RAMP1: variants seen among roughly 807,000 people sequenced by gnomAD.
RAMP1 encodes receptor activity-modifying protein 1.
A neutral mutation model predicts 8.2 loss-of-function variants in RAMP1; 7 were observed. The ratio of observed to expected loss-of-function variants is 0.85; its 90% CI spans 0.49 to 1.60. The LOEUF is 1.60. RAMP1 is among the 40% of genes most tolerant of loss of function. The probability of loss-of-function intolerance (pLI) is 0.00; values close to 1 mark genes in which losing one functional copy is unlikely to be tolerated. For synonymous variants in RAMP1, 92 were observed against 84.7 expected (o/e 1.09, Z -0.47); for missense variants, 192 against 202.4 (o/e 0.95, Z 0.31).
At chr2:237,882,209 C>T (rs1183463744) in intron 2 of RAMP1, among the ~76,000 whole-genome samples, 2 of 152,194 alleles carry the variant, frequency 1.3e-5, no homozygotes, top group African/African-American at 2.4e-5. Context: ...TGCACTTGGC[C>T]CGTGCCTTCT....
At chr2:237,910,493 AC>A (rs2062700067) in intron 2 of RAMP1, among the ~76,000 whole-genome samples, 2 of 152,146 alleles carry the variant, frequency 1.3e-5, no homozygotes, top group African/African-American at 4.8e-5. Flanking sequence ...ACACACAGTC[AC>A]ACACAGAATA....
chr2:237,909,800 A>G (rs577508509), intron 2 of RAMP1, among the ~76,000 whole-genome samples: 1 of 152,228 alleles, frequency 6.6e-6, no homozygotes, highest in Non-Finnish European at 1.5e-5. Context: ...TTGTTCAGAA[A>G]CAGATGGCGT....
intron 2 of RAMP1, among the ~76,000 whole-genome samples, chr2:237,907,444 T>A (rs895935330): frequency 6.6e-6 from 1 of 152,204 alleles, no homozygotes; most frequent in Non-Finnish European, 1.5e-5. Context: ...ACATTATGAG[T>A]TGAGGTTGAT....
intron 2 of RAMP1, among the ~76,000 whole-genome samples, chr2:237,879,795 G>T (rs2062348049): frequency 6.7e-6 from 1 of 149,372 alleles, no homozygotes; most frequent in Admixed American, 6.6e-5. Context: ...TTCCAGACCA[G>T]CCTAGCCAAC....
chr2:237,878,737 T>C lies in RAMP1; in HGVS notation c.191+1375T>C, dbSNP rs1576541440. On this transcript the variant is annotated intron_variant, in intron 2 of 2. Transcript: ENST00000254661. This position sits in a 1 kb window ranked among gnomAD's most constrained non-coding sequence, Gnocchi z 5.7. ...CTCAGTGCACTGTTGTTGAGGCGAC[T>C]CTGTACCTTGGGAGCCCAAACTTTT... Among the ~76,000 whole-genome samples, 3 of 152,360 alleles carry C rather than the reference T, an allele frequency of 2.0e-5. No individual in the cohort carries two copies. The South Asian group carries it at 6.2e-4, about 32-fold the overall frequency.
At chr2:237,904,028 C>G (rs2062631349) in intron 2 of RAMP1, among the ~76,000 whole-genome samples, 1 of 152,244 alleles carries the variant, frequency 6.6e-6, no homozygotes, top group African/African-American at 2.4e-5. Context: ...TGTGAGCCAC[C>G]ACGCCCAGCC....
At chr2:237,907,735 A>G (rs934559018) in intron 2 of RAMP1, among the ~76,000 whole-genome samples, 2 of 152,206 alleles carry the variant, frequency 1.3e-5, no homozygotes, top group African/African-American at 2.4e-5. Flanking sequence ...ACCCGTTGTC[A>G]TACTAGCCAT....
At chr2:237,908,410 C>CTGGTGGTGGTGGTGGTGGTGGTGG (rs1553740387) in intron 2 of RAMP1, among the ~76,000 whole-genome samples, 3 of 149,014 alleles carry the variant, frequency 2.0e-5, no homozygotes, top group Non-Finnish European at 4.5e-5. Context: ...GAAGAGACCT[C>CTGGTGGTGGTGGTGGTGGTGGTGG]TGGTGGTGGT....
intron 2 of RAMP1, among the ~76,000 whole-genome samples, chr2:237,892,181 C>T (rs139638300): frequency 1.3e-5 from 2 of 152,110 alleles, no homozygotes; most frequent in East Asian, 1.9e-4. Context: ...TCTTCAGGCA[C>T]TCCAATTTTT....
intron 1 of RAMP1, chr2:237,859,953 G>T (rs978578194): frequency 1.6e-5 from 7 of 445,372 alleles, no homozygotes; most frequent in African/African-American, 1.5e-4. Context: ...TCTCGCCGGG[G>T]AAGGGACGGC....
intron 2 of RAMP1, among the ~76,000 whole-genome samples, chr2:237,889,995 C>A (rs1317873230): frequency 6.6e-6 from 1 of 152,204 alleles, no homozygotes; most frequent in South Asian, 2.1e-4. Flanking sequence ...CCAAGTGGGG[C>A]CCGCCTGCAG....
intron 2 of RAMP1, among the ~76,000 whole-genome samples, chr2:237,891,139 T>G (rs968011295): frequency 6.6e-6 from 1 of 152,078 alleles, no homozygotes; most frequent in Non-Finnish European, 1.5e-5. Flanking sequence ...ATGTCAGTTT[T>G]TTTCATTGTA....
chr2:237,888,833 A>T (rs1576547672), intron 2 of RAMP1, among the ~76,000 whole-genome samples: 1 of 152,088 alleles, frequency 6.6e-6, no homozygotes. Context: ...GTGCAGCGGC[A>T]CAATCTTGGC....
intron 1 of RAMP1, among the ~76,000 whole-genome samples, chr2:237,864,542 GA>G (rs1439152575): frequency 1.3e-5 from 2 of 152,158 alleles, no homozygotes; most frequent in Admixed American, 1.3e-4. Flanking sequence ...GTTTCTCCTG[GA>G]AACACCCATC....
intron 1 of RAMP1, among the ~76,000 whole-genome samples, chr2:237,870,732 T>TG (rs2062236639): frequency 6.6e-6 from 1 of 152,004 alleles, no homozygotes; most frequent in Admixed American, 6.6e-5. Flanking sequence ...GGATGGAGGG[T>TG]ACTGTGTGCA....
Position 237,865,401 on chromosome 2 carries a change from G to A in RAMP1, c.52+5674G>A, listed in dbSNP as rs182613576. Among the ~76,000 whole-genome samples the A allele has an allele frequency of 3.3e-5, 5 of 151,966 alleles. No individual in the cohort carries two copies. The highest frequency in any genetic ancestry group is 2.6e-4 in the Admixed American group (4 of 15,284). ...AGATGACACCCCAGGCCACAGCCAG[G>A]GCTGCCAGGAAACATGGGAGCCCCA... On this transcript the variant is annotated intron_variant, in intron 1 of 2. Transcript: ENST00000254661. This position sits in a 1 kb window ranked among gnomAD's most constrained non-coding sequence, Gnocchi z 4.2.
intron 1 of RAMP1, among the ~76,000 whole-genome samples, chr2:237,871,892 G>C (rs888376315): frequency 1.2e-4 from 19 of 152,160 alleles, no homozygotes. Flanking sequence ...CACTAGATAC[G>C]GTGATGGTTG....
chr2:237,911,887 T>G lies in RAMP1; in HGVS notation c.*104T>G. The G allele has an allele frequency of 7.0e-7, 1 of 1,432,182 alleles. No homozygotes were observed. Among genetic ancestry groups the G allele is most frequent in the Non-Finnish European group, 9.2e-7 (1 of 1,082,704 alleles). The allele number at this position is 1,432,182 out of a possible 1,614,324, so 88.7% of individuals were successfully genotyped here. A position where few individuals can be genotyped will look rare whatever the true frequency, so the allele number is the denominator to read the frequency against. ...GCCTTGGGACAGAGCAGGCCCACAATGCCCCCCTTCTTCCAGCCAAGAAGA... is the reference window on the plus strand; with the variant it reads ...GCCTTGGGACAGAGCAGGCCCACAAGGCCCCCCTTCTTCCAGCCAAGAAGA... On this transcript the variant is annotated 3_prime_UTR_variant, in exon 3 of 3. Coordinates refer to ENST00000254661, the MANE Select transcript of RAMP1 (RefSeq NM_005855.4).
At chr2:237,894,409 G>C (rs753846802) in intron 2 of RAMP1, among the ~76,000 whole-genome samples, 4 of 152,244 alleles carry the variant, frequency 2.6e-5, no homozygotes, top group Non-Finnish European at 4.4e-5. Flanking sequence ...TTGTGGGAAG[G>C]AGGCAGGAGG....
Sources: allele counts gnomAD v4.1 joint callset (sites outside exome capture counted in the v4.1 genomes callset), GRCh38; gene constraint gnomAD v4.1.1; non-coding constraint Gnocchi (gnomAD v3.1); transcripts MANE v1.5; gene names NCBI Gene and HGNC (gene_info 2026-07-23, HGNC 2026-07-21).